MTARC1: variants seen among roughly 807,000 people sequenced by gnomAD.
The protein encoded by MTARC1 is mitochondrial amidoxime-reducing component 1.
MTARC1 carries 24 observed loss-of-function variants against 33.6 expected under a neutral mutation model. The ratio of observed to expected loss-of-function variants is 0.72; its 90% CI spans 0.52 to 1.01. The LOEUF is 1.01. MTARC1 is among the 50% of genes least tolerant of loss of function. The pLI is 0.00. For missense variants in MTARC1, 417 were observed against 445.7 expected (o/e 0.94, Z 0.58); for synonymous variants, 187 against 189.5 (o/e 0.99, Z 0.11).
intron 2 of MTARC1, among the ~76,000 whole-genome samples, chr1:220,796,125 TATA>T (rs1672608427): frequency 6.6e-6 from 1 of 151,810 alleles, no homozygotes; most frequent in African/African-American, 2.4e-5. Context: ...ATTAAATAAA[TATA>T]ATATTATTGT....
intron 4 of MTARC1, among the ~76,000 whole-genome samples, chr1:220,801,610 G>T (rs1469228559): frequency 2.6e-5 from 4 of 152,216 alleles, no homozygotes; most frequent in Non-Finnish European, 5.9e-5. Context: ...ATCTTGCAGT[G>T]CTGGGGCTCA....
intron 6 of MTARC1, among the ~76,000 whole-genome samples, chr1:220,810,612 G>A (rs1673101124): frequency 6.6e-6 from 1 of 152,246 alleles, no homozygotes; most frequent in Admixed American, 6.5e-5. Flanking sequence ...TGCCGAGAGG[G>A]GCAGCCGCTC....
chr1:220,787,594 C>CTA lies in MTARC1; in HGVS notation c.275+377_275+378dup, dbSNP rs72470576. Among the ~76,000 whole-genome samples, 1,362 of 152,256 alleles carry CTA rather than the reference C, an allele frequency of 8.9e-3. 9 individuals are homozygous for CTA. Among genetic ancestry groups the CTA allele is most frequent in the East Asian group, 0.059 (305 of 5,158 alleles). Reference sequence around the variant, plus strand: ...GCTTGAAGAGGTTGGTTCCCAGTCGCTATTTTGAGTGACTTTCTTGAGATC... The same window carrying CTA: ...GCTTGAAGAGGTTGGTTCCCAGTCGCTATATTTTGAGTGACTTTCTTGAGATC... On this transcript the variant is annotated intron_variant, in intron 1 of 6. Transcript: ENST00000366910.
chr1:220,809,063 G>T (rs1242339226), intron 6 of MTARC1: 1 of 397,386 alleles, frequency 2.5e-6, no homozygotes, highest in South Asian at 1.9e-5. Context: ...GCTGTGCTCT[G>T]CTGAGCTAAA....
rs530367133 is a variant in MTARC1 at position 220,789,682 on chromosome 1, G to A, written c.276-1809G>A. 7.9e-5 allele frequency among the ~76,000 whole-genome samples: 12 copies of A among 152,284 alleles called. No individual in the cohort carries two copies. In the East Asian group the frequency reaches 2.1e-3, roughly 27 times the overall value. ...CAACTAAGTGTCCATTGATGGATGA[G>A]TAGATAAGCAAAATGTGGTATATAC... is the stretch of plus-strand genomic sequence containing the variant. On this transcript the variant is annotated intron_variant, in intron 1 of 6. Transcript: ENST00000366910.
chr1:220,817,432 G>A lies in MTARC1; in HGVS notation c.*4014G>A, dbSNP rs1391400746. 1 of 152,380 alleles carries A rather than the reference G, an allele frequency of 6.6e-6. No individual in the cohort carries two copies. Among genetic ancestry groups the A allele is most frequent in the Admixed American group, 6.5e-5 (1 of 15,278 alleles). 9.4% of individuals were successfully genotyped at this position (152,380 alleles called of 1,614,324 possible). A position where few individuals can be genotyped will look rare whatever the true frequency, so the allele number is the denominator to read the frequency against. On this transcript the variant is annotated 3_prime_UTR_variant, in exon 7 of 7. Transcript: ENST00000366910. Reference sequence around the variant, plus strand: ...ATGGGCTGCTGCTGCTGGCTGGGGTGGCCACCTTTTATTCCCTTATTTGTC... The same window carrying A: ...ATGGGCTGCTGCTGCTGGCTGGGGTAGCCACCTTTTATTCCCTTATTTGTC...
At chr1:220,794,438 C>T (rs1206254110) in intron 2 of MTARC1, 2 of 151,912 alleles carry the variant, frequency 1.3e-5, no homozygotes, top group Admixed American at 1.3e-4. Flanking sequence ...GATGCTAAGC[C>T]CCCCACATAT....
At chr1:220,793,705 G>T (rs2642424) in intron 2 of MTARC1, 55,978 of 152,062 alleles carry the variant, frequency 0.37, 12,796 homozygotes, top group East Asian at 0.68. Flanking sequence ...TAGGGACTTT[G>T]GCTATGGATT....
intron 4 of MTARC1, among the ~76,000 whole-genome samples, chr1:220,801,661 G>C (rs1672811033): frequency 6.6e-6 from 1 of 152,144 alleles, no homozygotes; most frequent in African/African-American, 2.4e-5. Context: ...TTGGTGTCAG[G>C]TTTTGGGGAG....
intron 4 of MTARC1, chr1:220,798,839 T>C (rs1257060440): frequency 5.7e-5 from 56 of 985,276 alleles, no homozygotes; most frequent in Non-Finnish European, 6.7e-5. Flanking sequence ...CAGGGAAAAA[T>C]GGAATCAAAG....
rs1673269996 is a variant in MTARC1 at position 220,815,940 on chromosome 1, G to T, written c.*2522G>T. The stretch of plus-strand genomic sequence containing the variant: ...CCAGGCTCCGGAGGGGCTGCCTAAA[G>T]GCTTGCTTTTGTGACTCTCCTGCAG... On this transcript the variant is annotated 3_prime_UTR_variant, in exon 7 of 7. Transcript: ENST00000366910. The T allele has an allele frequency of 6.6e-6, 1 of 152,218 alleles. No individual in the cohort carries two copies. The highest frequency in any genetic ancestry group is 6.5e-5 in the Admixed American group (1 of 15,286). 9.4% of individuals were successfully genotyped at this position (152,218 alleles called of 1,614,324 possible).
intron 6 of MTARC1, chr1:220,809,081 T>C (rs1024411857): frequency 3.0e-5 from 11 of 371,154 alleles, no homozygotes; most frequent in African/African-American, 2.3e-4. Context: ...AAACACAGAA[T>C]ATATAGCAGT....
chr1:220,799,799 G>C (rs576375861), intron 4 of MTARC1, among the ~76,000 whole-genome samples: 4 of 152,188 alleles, frequency 2.6e-5, no homozygotes, highest in African/African-American at 9.6e-5. Flanking sequence ...GCAAGTGACC[G>C]TACAAGCCTG....
At chr1:220,808,948 A>G in intron 6 of MTARC1, 1 of 470,854 alleles carries the variant, frequency 2.1e-6, no homozygotes, top group South Asian at 1.5e-5. Flanking sequence ...CCTAATGGAA[A>G]GAATATAGCA....
chr1:220,800,475 C>T (rs916752758), intron 4 of MTARC1, among the ~76,000 whole-genome samples: 11 of 152,136 alleles, frequency 7.2e-5, no homozygotes, highest in East Asian at 1.9e-4. Flanking sequence ...GACGTGGGGA[C>T]GTGACTAACA....
At chr1:220,789,250 G>T (rs1373215357) in intron 1 of MTARC1, among the ~76,000 whole-genome samples, 3 of 152,130 alleles carry the variant, frequency 2.0e-5, no homozygotes, top group Non-Finnish European at 4.4e-5. Context: ...ATTGGGAGAA[G>T]AACTTTCTAG....
At chr1:220,805,903 A>G (rs571311060) in intron 6 of MTARC1, among the ~76,000 whole-genome samples, 3 of 152,322 alleles carry the variant, frequency 2.0e-5, no homozygotes, top group South Asian at 2.1e-4. Context: ...AAGATAGTCA[A>G]GATGCTGTGT....
chr1:220,811,977 C>T (rs565762065), intron 6 of MTARC1, among the ~76,000 whole-genome samples: 1 of 152,244 alleles, frequency 6.6e-6, no homozygotes, highest in South Asian at 2.1e-4. Context: ...AAACTTGTGC[C>T]CTGACATTAC....
chr1:220,800,333 C>T (rs1243653880), intron 4 of MTARC1, among the ~76,000 whole-genome samples: 1 of 152,202 alleles, frequency 6.6e-6, no homozygotes, highest in Non-Finnish European at 1.5e-5. Context: ...CCCTGTGTGG[C>T]ATGCGCTGTG....
Sources: gnomAD v4.1 joint callset for allele counts (sites outside exome capture counted in the v4.1 genomes callset) on GRCh38, gnomAD v4.1.1 for gene constraint, MANE v1.5 for transcripts, NCBI Gene and HGNC (gene_info 2026-07-23, HGNC 2026-07-21) for gene names.